Variants in ELAPOR2 observed in about 807,000 individuals in gnomAD.
ELAPOR2 encodes the protein endosome-lysosome associated apoptosis and autophagy regulator family member 2.
Under a neutral mutation model 120.7 loss-of-function variants are expected in ELAPOR2, and 89 were observed. The ratio of observed to expected loss-of-function variants is 0.74; its 90% CI spans 0.62 to 0.88. The LOEUF (loss-of-function observed/expected upper bound fraction) is 0.88, where lower values mean the gene tolerates loss of function less well. ELAPOR2 is among the 40% of genes least tolerant of loss of function. ELAPOR2 has a pLI of 0.00. For synonymous variants in ELAPOR2, 444 were observed against 444.9 expected (o/e 1.00, Z 0.03); for missense variants, 1,134 against 1,251.6 (o/e 0.91, Z 1.42).
intron 6 of ELAPOR2, among the ~76,000 whole-genome samples, chr7:86,939,306 C>T (rs1428538707): frequency 6.6e-6 from 1 of 151,870 alleles, no homozygotes; most frequent in African/African-American, 2.4e-5. Context: ...AACCTGTTCC[C>T]TTTTTTTTCC....
At chr7:86,906,806 GTCAC>G (rs1191348985) in intron 18 of ELAPOR2, among the ~76,000 whole-genome samples, 1 of 152,042 alleles carries the variant, frequency 6.6e-6, no homozygotes, top group Non-Finnish European at 1.5e-5. Context: ...TGAGAAGAGA[GTCAC>G]TTGAGGCTAG....
chr7:87,059,571 G>A lies in ELAPOR2; in HGVS notation c.-58C>T, dbSNP rs1002169686. ...AAGGCAGCCTTCCCGGGGTGCGGCG[G>A]CAGCTCCGGCTCCCGGGCCGCGACT... On this transcript the variant is annotated 5_prime_UTR_variant, in exon 1 of 22. Coordinates refer to ENST00000450689, the MANE Select transcript of ELAPOR2 (RefSeq NM_001142749.3). The A allele has an allele frequency of 6.3e-5, 72 of 1,145,194 alleles. No homozygotes were observed. Among genetic ancestry groups the A allele is most frequent in the Non-Finnish European group, 7.5e-5 (70 of 933,316 alleles). The allele number at this position is 1,145,194 out of a possible 1,614,324, so 70.9% of individuals were successfully genotyped here.
chr7:86,978,055 G>A lies in ELAPOR2; in HGVS notation c.190-13031C>T, dbSNP rs181482138. On this transcript the variant is annotated intron_variant, in intron 1 of 21. Coordinates refer to ENST00000450689, the MANE Select transcript of ELAPOR2 (RefSeq NM_001142749.3). The stretch of plus-strand genomic sequence containing the variant: ...TCAAATTTTACTTTTAATTGTAATC[G>A]CCATAATTTCCACCTGTCAAGGGTG... Among the ~76,000 whole-genome samples, 355 of 152,160 alleles carry A rather than the reference G, an allele frequency of 2.3e-3. 1 individual carries two copies. Among genetic ancestry groups the A allele is most frequent in the African/African-American group, 7.7e-3 (320 of 41,494 alleles).
chr7:87,011,048 A>T (rs1007616123), intron 1 of ELAPOR2, among the ~76,000 whole-genome samples: 6 of 152,050 alleles, frequency 3.9e-5, no homozygotes, highest in Non-Finnish European at 7.4e-5. Context: ...CGGGCGGGTC[A>T]TGAGGTCAAG....
intron 1 of ELAPOR2, among the ~76,000 whole-genome samples, chr7:86,988,484 CATGGAAGG>C (rs1792833973): frequency 6.6e-6 from 1 of 152,038 alleles, no homozygotes; most frequent in Non-Finnish European, 1.5e-5. Flanking sequence ...ATTTAAAGTA[CATGGAAGG>C]ATGTGAGTAG....
At chr7:87,019,186 C>G (rs1404976641) in intron 1 of ELAPOR2, among the ~76,000 whole-genome samples, 4 of 152,090 alleles carry the variant, frequency 2.6e-5, no homozygotes, top group African/African-American at 9.7e-5. Flanking sequence ...ATTTTTGAGA[C>G]ACGGTTTTGC....
intron 1 of ELAPOR2, among the ~76,000 whole-genome samples, chr7:87,033,255 A>G (rs935726083): frequency 6.6e-6 from 1 of 152,220 alleles, no homozygotes; most frequent in Non-Finnish European, 1.5e-5. Flanking sequence ...TTCATCTCTG[A>G]AAGCAGAGGC....
chr7:86,887,248 C>G (rs1164019045), intron 21 of ELAPOR2, among the ~76,000 whole-genome samples: 1 of 152,072 alleles, frequency 6.6e-6, no homozygotes, highest in Non-Finnish European at 1.5e-5. Context: ...CTAGACAAGA[C>G]AGACTGTCAC....
intron 1 of ELAPOR2, among the ~76,000 whole-genome samples, chr7:86,982,936 T>C (rs1792561228): frequency 1.3e-5 from 2 of 152,042 alleles, no homozygotes; most frequent in Non-Finnish European, 2.9e-5. Flanking sequence ...CTAAAAACCT[T>C]GAAAAAAGAT....
chr7:86,926,918 TACA>T lies in ELAPOR2; in HGVS notation c.1090-5_1090-3del. ...TATCCACTTGTACATTATCTGTGTC[TACA>T]AAAAAAAAAAAAAAAAAAAAGCAAC... is the stretch of plus-strand genomic sequence containing the variant. On this transcript the variant is annotated splice_polypyrimidine_tract_variant and splice_region_variant and intron_variant, in intron 8 of 21. Coordinates refer to ENST00000450689, the MANE Select transcript of ELAPOR2 (RefSeq NM_001142749.3). 5.1e-5 allele frequency: 32 copies of T among 624,148 alleles called. No individual in the cohort carries two copies. The highest frequency in any genetic ancestry group is 1.9e-4 in the Admixed American group (3 of 15,502). The allele number at this position is 624,148 out of a possible 1,614,324, so 38.7% of individuals were successfully genotyped here.
chr7:86,965,067 T>C (rs6958716), intron 1 of ELAPOR2, 43 bp from the exon 2 acceptor site: 86,124 of 1,547,624 alleles, frequency 0.056, 2,723 homozygotes, highest in African/African-American at 0.1. Flanking sequence ...GAGCCAGTTC[T>C]AACGGGACAA....
intron 1 of ELAPOR2, among the ~76,000 whole-genome samples, chr7:87,020,315 A>T (rs1793998341): frequency 6.6e-6 from 1 of 152,152 alleles, no homozygotes; most frequent in South Asian, 2.1e-4. Flanking sequence ...ATTATTAATA[A>T]AAGCAAACAT....
intron 3 of ELAPOR2, among the ~76,000 whole-genome samples, chr7:86,946,379 A>C (rs1791009276): frequency 6.6e-6 from 1 of 152,158 alleles, no homozygotes; most frequent in South Asian, 2.1e-4. Context: ...CAACTAATTA[A>C]AGAGAAATAA....
intron 1 of ELAPOR2, among the ~76,000 whole-genome samples, chr7:87,056,866 A>T (rs1795279546): frequency 6.6e-6 from 1 of 152,196 alleles, no homozygotes; most frequent in Admixed American, 6.5e-5. Flanking sequence ...TACTTCTACA[A>T]AAATATTAAT....
At chr7:87,058,800 T>C (rs143491407) in intron 1 of ELAPOR2, among the ~76,000 whole-genome samples, 2 of 152,168 alleles carry the variant, frequency 1.3e-5, no homozygotes, top group East Asian at 3.9e-4. Context: ...GGATGCTAAG[T>C]GACACCATAC....
At chr7:87,008,076 A>G (rs1487680467) in intron 1 of ELAPOR2, among the ~76,000 whole-genome samples, 6 of 152,208 alleles carry the variant, frequency 3.9e-5, no homozygotes, top group African/African-American at 1.4e-4. Context: ...GTAATTTTAT[A>G]GTGAAAGTCC....
intron 1 of ELAPOR2, among the ~76,000 whole-genome samples, chr7:86,997,302 A>G (rs1338995805): frequency 1.4e-5 from 2 of 143,482 alleles, no homozygotes; most frequent in Admixed American, 1.4e-4. Context: ...GCAGATGCCC[A>G]TCACAAAAAG....
At chr7:87,055,436 TG>T (rs1403762716) in intron 1 of ELAPOR2, among the ~76,000 whole-genome samples, 5 of 152,230 alleles carry the variant, frequency 3.3e-5, no homozygotes, top group African/African-American at 1.2e-4. Flanking sequence ...GATAGGCTCC[TG>T]CCTGCCTGTC....
At chr7:86,947,546 C>A (rs984698759) in intron 3 of ELAPOR2, among the ~76,000 whole-genome samples, 181 bp downstream of exon 3, 4 of 152,158 alleles carry the variant, frequency 2.6e-5, no homozygotes, top group Non-Finnish European at 5.9e-5. Context: ...ATCCTGAGGG[C>A]AATGATTTTA....
Sources: allele counts gnomAD v4.1 joint callset (sites outside exome capture counted in the v4.1 genomes callset), GRCh38; gene constraint gnomAD v4.1.1; transcripts MANE v1.5; gene names NCBI Gene and HGNC (gene_info 2026-07-23, HGNC 2026-07-21).